The following ARHGAP21 variants were observed in gnomAD, a reference collection of about 807,000 sequenced individuals.
ARHGAP21 encodes rho GTPase-activating protein 21.
A neutral mutation model predicts 164.6 loss-of-function variants in ARHGAP21; 38 were observed. The ratio of observed to expected loss-of-function variants is 0.23; its 90% confidence interval spans 0.18 to 0.30. ARHGAP21 has a LOEUF of 0.30. Ranked by LOEUF, ARHGAP21 falls within the 10% of genes least tolerant of loss-of-function variation. The pLI is 1.00. For synonymous variants in ARHGAP21, 766 were observed against 857.9 expected (o/e 0.89, Z 1.87); for missense variants, 1,822 against 2,370.7 (o/e 0.77, Z 4.81).
In ARHGAP21 at chr10:24,595,911, C is replaced by T. The variant is rs552253963; in HGVS notation, c.3610G>A (p.Ala1204Thr). The T allele has an allele frequency of 2.5e-6, 4 of 1,613,052 alleles. No individual in the cohort carries two copies. The South Asian group carries it at 4.4e-5, about 18-fold the overall frequency. The change falls in exon 18 of 26, where the codon GCT (alanine) becomes ACT (threonine). Residue 1204 changes from alanine to threonine, a missense_variant. Physicochemically the swap from Ala to Thr is moderately conservative, Grantham distance 58. This residue lies in a region of ARHGAP21 where 117 missense variants were observed against 238.1 expected (regional missense o/e 0.49). Transcript: ENST00000396432. The part of the protein sequence containing the change: ...SMQEELNKGM[A>T]DIDIQDDKWR... ...ACATCATCTTGTATATCAATATCAGCCATTCCCTTGTTGAGTTCTTCTTGC... is the reference window on the plus strand; with the variant it reads ...ACATCATCTTGTATATCAATATCAGTCATTCCCTTGTTGAGTTCTTCTTGC...
At chr10:24,624,206 T>C (rs1834848468) in intron 7 of ARHGAP21, among the ~76,000 whole-genome samples, 1 of 152,070 alleles carries the variant, frequency 6.6e-6, no homozygotes, top group South Asian at 2.1e-4. Context: ...TATGAATTCA[T>C]TCAAGAACAT....
chr10:24,623,429 A>G (rs1016601090), intron 7 of ARHGAP21, among the ~76,000 whole-genome samples: 1 of 152,230 alleles, frequency 6.6e-6, no homozygotes, highest in Non-Finnish European at 1.5e-5. Flanking sequence ...TATAGAACAG[A>G]GACTAGAATG....
intron 9 of ARHGAP21, among the ~76,000 whole-genome samples, chr10:24,610,372 C>CAAA (rs66658477): frequency 1.8e-5 from 2 of 109,584 alleles, no homozygotes; most frequent in East Asian, 2.7e-4. Flanking sequence ...GACTCTGTCA[C>CAAA]AAAAAAAAAA....
chr10:24,644,441 A>G (rs1009047167), intron 4 of ARHGAP21, among the ~76,000 whole-genome samples: 1 of 152,084 alleles, frequency 6.6e-6, no homozygotes, highest in Non-Finnish European at 1.5e-5. Flanking sequence ...AAAACTGCCA[A>G]CTACCCCACC....
At chr10:24,618,725 T>G (rs1834237309) in intron 9 of ARHGAP21, among the ~76,000 whole-genome samples, 1 of 152,132 alleles carries the variant, frequency 6.6e-6, no homozygotes, top group Non-Finnish European at 1.5e-5. Flanking sequence ...TCTGACACCA[T>G]CAGAGAGGGA....
At chr10:24,679,573 C>A (rs1377795385) in intron 2 of ARHGAP21, among the ~76,000 whole-genome samples, 1 of 152,280 alleles carries the variant, frequency 6.6e-6, no homozygotes, top group East Asian at 1.9e-4. Flanking sequence ...TTTTACATGC[C>A]CACCAGCAGT....
intron 2 of ARHGAP21, among the ~76,000 whole-genome samples, chr10:24,710,822 G>A (rs1844710005): frequency 6.6e-6 from 1 of 152,132 alleles, no homozygotes; most frequent in Non-Finnish European, 1.5e-5. Context: ...AGTAGCTGGT[G>A]CGGTGACTCC....
chr10:24,722,180 C>G lies in ARHGAP21; in HGVS notation c.-281G>C, dbSNP rs999388873. ...TCTTCTTGGCAGCCAGTGTCGAGGC[C>G]AATTGCAGAAAGCGGTCCCCTTCTT... is the stretch of plus-strand genomic sequence containing the variant. On this transcript the variant is annotated 5_prime_UTR_variant, in exon 2 of 26. Transcript: ENST00000396432. 9 of 472,114 alleles carry G rather than the reference C, an allele frequency of 1.9e-5. No individual in the cohort carries two copies. The highest frequency in any genetic ancestry group is 1.8e-4 in the African/African-American group (9 of 50,690). The allele number at this position is 472,114 out of a possible 1,614,324, so 29.2% of individuals were successfully genotyped here. A position where few individuals can be genotyped will look rare whatever the true frequency, so the allele number is the denominator to read the frequency against.
intron 3 of ARHGAP21, among the ~76,000 whole-genome samples, chr10:24,668,600 C>A (rs1840412317): frequency 6.6e-6 from 1 of 151,836 alleles, no homozygotes; most frequent in African/African-American, 2.4e-5. Flanking sequence ...ACATTTACTT[C>A]AATGTTTAAT....
rs1454630220 is a variant in ARHGAP21, at chr10:24,584,569, T to C, written c.5720A>G (p.Asn1907Ser). 6.2e-7 allele frequency: 1 copy of C among 1,613,936 alleles called. No individual in the cohort carries two copies. The highest frequency in any genetic ancestry group is 8.5e-7 in the Non-Finnish European group (1 of 1,179,870). ...TGGTGGTATGGAAAGAAGGGGCCTG[T>C]TTGTTGAAGCCAAGGTGCTGGAAGA... ...GSSSSTLAST[N>S]RPLLSIPPQS... is the part of the protein sequence containing the mutation. The change falls in exon 26 of 26, where the codon AAC becomes AGC. Residue 1907 changes from asparagine to serine, a missense_variant. Asn to Ser is a conservative substitution (Grantham distance 46). Around this residue, in one of 5 missense-constraint regions of ARHGAP21, gnomAD observed 165 missense variants for 176.6 expected, o/e 0.93. Transcript: ENST00000396432.
At chr10:24,598,114 C>T (rs1478906439) in intron 14 of ARHGAP21, 105 bp from the exon 15 acceptor site, 4 of 815,518 alleles carry the variant, frequency 4.9e-6, no homozygotes, top group Non-Finnish European at 7.8e-6. Context: ...AACACAAACA[C>T]TACTATCATC....
intron 4 of ARHGAP21, among the ~76,000 whole-genome samples, chr10:24,638,887 T>C (rs980720833): frequency 2.6e-5 from 4 of 152,194 alleles, no homozygotes; most frequent in African/African-American, 9.7e-5. Flanking sequence ...TAATTAGTAC[T>C]GACTTAAAAA....
At chr10:24,589,975 T>C (rs1315532974) in intron 24 of ARHGAP21, 5 of 179,662 alleles carry the variant, frequency 2.8e-5, no homozygotes, top group Non-Finnish European at 5.5e-5. Flanking sequence ...AATGCTGTTA[T>C]GGAAATGGAA....
chr10:24,713,472 G>T (rs1845048219), intron 2 of ARHGAP21, among the ~76,000 whole-genome samples: 1 of 151,904 alleles, frequency 6.6e-6, no homozygotes, highest in Non-Finnish European at 1.5e-5. Context: ...AGTTTCTTCT[G>T]ATCTGTCTAC....
intron 2 of ARHGAP21, among the ~76,000 whole-genome samples, chr10:24,672,826 T>C (rs1474508917): frequency 1.3e-5 from 2 of 152,040 alleles, no homozygotes; most frequent in Non-Finnish European, 2.9e-5. Context: ...GATTGAGTTC[T>C]AGTAAATGGA....
chr10:24,717,488 G>C (rs943861820), intron 2 of ARHGAP21, among the ~76,000 whole-genome samples: 3 of 152,144 alleles, frequency 2.0e-5, no homozygotes, highest in African/African-American at 7.2e-5. Flanking sequence ...AGAGTCTTGC[G>C]GGTCAGGGAA....
chr10:24,607,957 T>C (rs1039293053), intron 9 of ARHGAP21, 54 bp from the exon 10 acceptor site: 5 of 1,490,964 alleles, frequency 3.4e-6, no homozygotes, highest in South Asian at 2.8e-5. Flanking sequence ...TTATTAATAA[T>C]AAAACTCAGT....
At chr10:24,642,927 G>A (rs1245655621) in intron 4 of ARHGAP21, among the ~76,000 whole-genome samples, 1 of 152,164 alleles carries the variant, frequency 6.6e-6, no homozygotes, top group Non-Finnish European at 1.5e-5. Flanking sequence ...TTAGAGCCCT[G>A]GAAAATGCTA....
rs143999703 is a variant in ARHGAP21 at position 24,701,129 on chromosome 10, G to A, written c.63+20708C>T. Among the ~76,000 whole-genome samples, 2 of 152,238 alleles carry A rather than the reference G, an allele frequency of 1.3e-5. 1 individual carries two copies. Among genetic ancestry groups the A allele is most frequent in the Non-Finnish European group, 2.9e-5 (2 of 68,024 alleles). ...AGGACACAATTTAACAAAACAGGAG[G>A]AGCGGAGGAGGAAGACAAGAGGAAG... is the stretch of plus-strand genomic sequence containing the variant. On this transcript the variant is annotated intron_variant, in intron 2 of 25. Coordinates refer to ENST00000396432, the MANE Select transcript of ARHGAP21 (RefSeq NM_020824.4).
Sources: gnomAD v4.1 joint callset for allele counts (sites outside exome capture counted in the v4.1 genomes callset) on GRCh38, gnomAD v4.1.1 for gene constraint, gnomAD v4.1.1 regional missense constraint, MANE v1.5 for transcripts, NCBI Gene and HGNC (gene_info 2026-07-23, HGNC 2026-07-21) for gene names.